Variants in FRY observed in about 807,000 individuals in gnomAD.
The protein encoded by FRY is protein furry homolog.
Under a neutral mutation model 348.4 loss-of-function variants are expected in FRY, and 128 were observed. The ratio of observed to expected loss-of-function variants is 0.37; its 90% CI spans 0.32 to 0.43. FRY has a LOEUF of 0.43. Among genes scored for constraint, FRY ranks in the 20% least tolerant of loss-of-function variants. The probability of loss-of-function intolerance (pLI) is 1.00; values close to 1 mark genes in which losing one functional copy is unlikely to be tolerated. For missense variants in FRY, 2,736 were observed against 3,695.2 expected (o/e 0.74, Z 6.73); for synonymous variants, 1,370 against 1,374.7 (o/e 1.00, Z 0.08).
At chr13:32,274,484 G>T (rs1243976520) in intron 55 of FRY, among the ~76,000 whole-genome samples, 7 of 150,138 alleles carry the variant, frequency 4.7e-5, no homozygotes, top group Non-Finnish European at 5.9e-5. Context: ...GAGGCGGGCG[G>T]ATCACAAGGT....
At chr13:32,199,175 G>C (rs1350365150) in intron 29 of FRY, among the ~76,000 whole-genome samples, 1 of 152,198 alleles carries the variant, frequency 6.6e-6, no homozygotes, top group Non-Finnish European at 1.5e-5. Context: ...TGGGGCTGCT[G>C]CTGGGGAACA....
chr13:32,253,455 A>G (rs1356444782), intron 50 of FRY, among the ~76,000 whole-genome samples: 1 of 152,178 alleles, frequency 6.6e-6, no homozygotes, highest in Non-Finnish European at 1.5e-5. Context: ...AATACTATTA[A>G]TTTTCTTTAA....
At position 32,127,055 on chromosome 13, in the gene FRY, GATA is replaced by G. The variant is rs528316761; in HGVS notation, c.716+2185_716+2187del. 3.2e-3 allele frequency among the ~76,000 whole-genome samples: 489 copies of G among 152,184 alleles called. 2 individuals carry two copies. Among genetic ancestry groups the G allele is most frequent in the Non-Finnish European group, 4.9e-3 (336 of 67,980 alleles). Reference sequence around the variant, plus strand: ...CTTGTCATTTAGGGAAAAGAATTTTGATAATAAGTGTTATTCACCCATAATATT... The same window carrying G: ...CTTGTCATTTAGGGAAAAGAATTTTGATAAGTGTTATTCACCCATAATATT... On this transcript the variant is annotated intron_variant, in intron 7 of 60. Transcript: ENST00000542859.
intron 16 of FRY, among the ~76,000 whole-genome samples, chr13:32,160,591 CTTT>C (rs1040303347): frequency 4.6e-5 from 7 of 152,134 alleles, no homozygotes; most frequent in African/African-American, 1.7e-4. Context: ...ATCGGTATCA[CTTT>C]AAAAGTCAGA....
intron 3 of FRY, among the ~76,000 whole-genome samples, 165 bp downstream of exon 3, chr13:32,102,181 C>T (rs1877207760): frequency 6.6e-6 from 1 of 152,076 alleles, no homozygotes; most frequent in Admixed American, 6.5e-5. Flanking sequence ...TGGTTTATAG[C>T]TGTTCAGTAA....
intron 1 of FRY, among the ~76,000 whole-genome samples, chr13:32,048,091 C>G (rs916500026): frequency 6.6e-6 from 1 of 152,072 alleles, no homozygotes; most frequent in Non-Finnish European, 1.5e-5. Flanking sequence ...AAGAATCAAC[C>G]GTCTTTTCAT....
intron 59 of FRY, among the ~76,000 whole-genome samples, chr13:32,293,256 G>A (rs1422832168): frequency 6.6e-6 from 1 of 151,952 alleles, no homozygotes; most frequent in African/African-American, 2.4e-5. Context: ...ACTTATCTAG[G>A]TTTAAAATAA....
intron 40 of FRY, 69 bp from the exon 41 acceptor site, chr13:32,231,110 A>G (rs1885887382): frequency 7.4e-7 from 1 of 1,353,446 alleles, no homozygotes; most frequent in African/African-American, 1.4e-5. Flanking sequence ...TGGAGTCAGG[A>G]CTGTATGTGT....
chr13:32,207,354 G>A (rs1250515980), intron 31 of FRY, among the ~76,000 whole-genome samples: 3 of 151,876 alleles, frequency 2.0e-5, no homozygotes, highest in East Asian at 1.9e-4. Flanking sequence ...TTCCACCACC[G>A]AACCCCCAAA....
intron 7 of FRY, among the ~76,000 whole-genome samples, chr13:32,130,492 T>TGTGTA (rs1566087534): frequency 1.4e-5 from 1 of 70,662 alleles, no homozygotes; most frequent in Non-Finnish European, 2.9e-5. Flanking sequence ...GTGTGTGTAT[T>TGTGTA]TTTTGGTGAA....
intron 46 of FRY, 67 bp from the exon 47 acceptor site, chr13:32,243,975 A>T: frequency 6.4e-7 from 1 of 1,556,716 alleles, no homozygotes; most frequent in Non-Finnish European, 8.8e-7. Flanking sequence ...AATGTGTTGG[A>T]AAACACGGGT....
chr13:32,185,432 G>A (rs1882973615), intron 26 of FRY, among the ~76,000 whole-genome samples: 1 of 152,172 alleles, frequency 6.6e-6, no homozygotes, highest in Admixed American at 6.5e-5. Flanking sequence ...TCCATAGGAA[G>A]GAAGTAATTC....
intron 1 of FRY, chr13:32,038,570 A>G (rs985459155): frequency 6.6e-6 from 1 of 152,126 alleles, no homozygotes; most frequent in African/African-American, 2.4e-5. Context: ...TTTCATACTA[A>G]TGTCTTTCAT....
chr13:32,247,513 A>T lies in FRY; in HGVS notation c.7008+11A>T, dbSNP rs1274436966. 6.3e-7 allele frequency: 1 copy of T among 1,599,718 alleles called. No homozygotes were observed. The highest frequency in any genetic ancestry group is 8.6e-7 in the Non-Finnish European group (1 of 1,166,792). On this transcript the variant is annotated intron_variant, in intron 48 of 60. Transcript: ENST00000542859. ...TTCGATATTTCGGAGGTACTTAGCT[A>T]TGTTAACTATTTCTGTGAACTTTAG...
intron 2 of FRY, among the ~76,000 whole-genome samples, chr13:32,098,277 T>C (rs116997531): frequency 0.013 from 1,906 of 152,224 alleles, 14 homozygotes; most frequent in Non-Finnish European, 0.019. Flanking sequence ...ACTATATGTA[T>C]TCATCAATCA....
chr13:32,068,882 A>G (rs1180990077), intron 1 of FRY, among the ~76,000 whole-genome samples: 2 of 143,524 alleles, frequency 1.4e-5, no homozygotes, highest in Non-Finnish European at 3.1e-5. Flanking sequence ...CAGATCTCAT[A>G]TATTTTTATG....
intron 28 of FRY, 28 bp from the exon 29 acceptor site, chr13:32,194,115 A>G (rs1184616088): frequency 6.3e-7 from 1 of 1,599,504 alleles, no homozygotes; most frequent in Admixed American, 1.7e-5. Flanking sequence ...TCAAATGGGA[A>G]TAATATTGAT....
In FRY at chr13:32,298,834, G is replaced by C. The variant is rs1432965546; in HGVS notation, c.*3374G>C. 1 of 152,296 alleles carries C rather than the reference G, an allele frequency of 6.6e-6. No individual in the cohort carries two copies. Among genetic ancestry groups the C allele is most frequent in the Non-Finnish European group, 1.5e-5 (1 of 68,072 alleles). 9.4% of individuals were successfully genotyped at this position (152,296 alleles called of 1,614,324 possible). On this transcript the variant is annotated 3_prime_UTR_variant, in exon 61 of 61. Coordinates refer to ENST00000542859, the MANE Select transcript of FRY (RefSeq NM_023037.3). ...AATGACCGGGTGAAATGAGTGAAGA[G>C]AGCGTTCAGAGAGGACAGCCAAAAG...
intron 2 of FRY, among the ~76,000 whole-genome samples, chr13:32,096,476 G>A (rs1876726250): frequency 6.6e-6 from 1 of 152,078 alleles, no homozygotes; most frequent in Non-Finnish European, 1.5e-5. Flanking sequence ...TTTAAGCTGA[G>A]TCTTCAAAGA....
Sources: allele counts gnomAD v4.1 joint callset (sites outside exome capture counted in the v4.1 genomes callset), GRCh38; gene constraint gnomAD v4.1.1; transcripts MANE v1.5; gene names NCBI Gene and HGNC (gene_info 2026-07-23, HGNC 2026-07-21).